Variants in TAF1 observed in about 807,000 individuals in gnomAD.
The protein encoded by TAF1 is transcription initiation factor TFIID subunit 1.
TAF1 carries 2 observed loss-of-function variants against 138.5 expected under a neutral mutation model. The ratio of observed to expected loss-of-function variants is 0.01; its 90% CI spans 0.01 to 0.05. The LOEUF (loss-of-function observed/expected upper bound fraction) is 0.05, where lower values mean the gene tolerates loss of function less well. TAF1 is among the 10% of genes least tolerant of loss of function. The pLI is 1.00. For missense variants in TAF1, 709 were observed against 1,478.0 expected (o/e 0.48, Z 8.53); for synonymous variants, 437 against 503.2 (o/e 0.87, Z 1.76).
chrX:71,524,881 C>T (rs1395559682), intron 13 of TAF1, among the ~76,000 whole-genome samples: 2 of 100,407 alleles, frequency 2.0e-5, no homozygotes, highest in Admixed American at 1.1e-4. Context: ...GCAGAGTTTG[C>T]AGTGAGCTGA....
Position 71,504,741 on chromosome X carries a change from C to CAAAAAAAAA in TAF1, c.1367-23777_1367-23769dup, listed in dbSNP as rs41370846. The stretch of plus-strand genomic sequence containing the variant: ...TGGGTGACAGAATGAGACCCTGTCT[C>CAAAAAAAAA]AAAAAAAAAAAAAAAAAAAAAAAAA... On this transcript the variant is annotated intron_variant and NMD_transcript_variant, in intron 13 of 14. Transcript: ENST00000373775. 1.6e-3 allele frequency among the ~76,000 whole-genome samples: 9 copies of CAAAAAAAAA among 5,704 alleles called. 1 individual carries two copies. The highest frequency in any genetic ancestry group is 3.7e-3 in the African/African-American group (7 of 1,881). 5.0% of individuals were successfully genotyped at this position (5,704 alleles called of 115,157 possible). A position where few individuals can be genotyped will look rare whatever the true frequency, so the allele number is the denominator to read the frequency against.
intron 28 of TAF1, among the ~76,000 whole-genome samples, chrX:71,417,679 A>G (rs2036094774): frequency 9.0e-6 from 1 of 111,485 alleles, no homozygotes; most frequent in Admixed American, 9.6e-5. Context: ...AAGCAGATAC[A>G]GTTGTTGTAA....
At chrX:71,515,391 T>A (rs889505942) in intron 13 of TAF1, among the ~76,000 whole-genome samples, 1 of 111,700 alleles carries the variant, frequency 9.0e-6, no homozygotes, top group African/African-American at 3.3e-5. Flanking sequence ...ATCACTAATA[T>A]CTCTGCTATG....
intron 36 of TAF1, among the ~76,000 whole-genome samples, chrX:71,460,312 G>C (rs1196532310): frequency 1.8e-5 from 2 of 112,476 alleles, no homozygotes; most frequent in Non-Finnish European, 1.9e-5. Context: ...GGAAAATTAA[G>C]AAAAATCCTG....
intron 16 of TAF1, 82 bp downstream of exon 16, chrX:71,388,460 A>G (rs1182288322): frequency 2.7e-6 from 3 of 1,122,463 alleles, no homozygotes; most frequent in Non-Finnish European, 3.6e-6. Flanking sequence ...ATAAGCATAT[A>G]GTTAATAAAA....
intron 13 of TAF1, among the ~76,000 whole-genome samples, chrX:71,523,703 G>A (rs762116371): frequency 1.3e-4 from 14 of 111,632 alleles, no homozygotes; most frequent in Admixed American, 3.8e-4. Flanking sequence ...TAAACACATA[G>A]TATCATAAGG....
At chrX:71,380,468 A>G (rs1303117606) in intron 8 of TAF1, among the ~76,000 whole-genome samples, 2 of 110,745 alleles carry the variant, frequency 1.8e-5, no homozygotes, top group African/African-American at 3.3e-5. Flanking sequence ...GAGTCTTGCT[A>G]TTGTTGGTCA....
At chrX:71,394,405 C>T (rs1288984554) in intron 22 of TAF1, among the ~76,000 whole-genome samples, 160 bp downstream of exon 22, 1 of 112,572 alleles carries the variant, frequency 8.9e-6, no homozygotes, top group African/African-American at 3.2e-5. Context: ...ACAAACTGGA[C>T]TCTAGGATTG....
At chrX:71,420,750 C>G (rs1477499175) in intron 28 of TAF1, among the ~76,000 whole-genome samples, 1 of 112,995 alleles carries the variant, frequency 8.8e-6, no homozygotes, top group Non-Finnish European at 1.9e-5. Context: ...CTGGAGCTCC[C>G]GTGGGGGTGG....
intron 8 of TAF1, among the ~76,000 whole-genome samples, chrX:71,380,021 A>G (rs1217966996): frequency 9.1e-6 from 1 of 109,765 alleles, no homozygotes; most frequent in Non-Finnish European, 1.9e-5. Flanking sequence ...TTTTTTTTTA[A>G]GGTATGCCAT....
rs1313886689 is a variant in TAF1 at position 71,525,261 on chromosome X, G to A, written c.1367-3281G>A. 3.6e-5 allele frequency among the ~76,000 whole-genome samples: 4 copies of A among 110,825 alleles called. No homozygotes were observed. In the East Asian group the frequency reaches 1.1e-3, roughly 32 times the overall value. ...TTCACCATGTTGGCCAGGCTGATCTGGAAACCCTGACCTCAGGTGACCCGC... is the reference window on the plus strand; with the variant it reads ...TTCACCATGTTGGCCAGGCTGATCTAGAAACCCTGACCTCAGGTGACCCGC... On this transcript the variant is annotated intron_variant and NMD_transcript_variant, in intron 13 of 14. Transcript: ENST00000373775.
intron 13 of TAF1, chrX:71,528,094 C>A: frequency 1.0e-5 from 2 of 196,782 alleles, no homozygotes. Context: ...CTCATAAAAG[C>A]AAAACCTACC....
intron 25 of TAF1, among the ~76,000 whole-genome samples, chrX:71,404,987 C>T (rs778802473): frequency 8.9e-5 from 8 of 89,943 alleles, no homozygotes; most frequent in South Asian, 5.7e-4. Context: ...GACAGAGTCT[C>T]GCTCTGTCAC....
intron 13 of TAF1, among the ~76,000 whole-genome samples, chrX:71,494,661 G>C (rs1201715397): frequency 8.9e-6 from 1 of 111,753 alleles, no homozygotes; most frequent in African/African-American, 3.3e-5. Context: ...ATAGTATTGT[G>C]TCCAGAGTTG....
At chrX:71,513,560 A>G (rs2039770000) in intron 13 of TAF1, among the ~76,000 whole-genome samples, 1 of 110,745 alleles carries the variant, frequency 9.0e-6, no homozygotes, top group African/African-American at 3.3e-5. Context: ...CTGGTGACAG[A>G]GTAGTTCAGA....
At position 71,383,823 on chromosome X, in the gene TAF1, C is replaced by T. The variant is rs28382164; in HGVS notation, c.1948-139C>T. 5,101 of 715,191 alleles carry T rather than the reference C, an allele frequency of 7.1e-3. 26 individuals carry two copies. The highest frequency in any genetic ancestry group is 0.037 in the African/African-American group (1,703 of 45,735). The allele number at this position is 715,191 out of a possible 1,213,427, so 58.9% of individuals were successfully genotyped here. A position where few individuals can be genotyped will look rare whatever the true frequency, so the allele number is the denominator to read the frequency against. The stretch of plus-strand genomic sequence containing the variant: ...CGACTGTACTATTCTTTGAACTTTA[C>T]AGTATGTTTGAAAATTTTGATTATG... On this transcript the variant is annotated intron_variant, in intron 12 of 37. Coordinates refer to ENST00000423759, the MANE Select transcript of TAF1 (RefSeq NM_004606.5).
chrX:71,470,760 G>A (rs1373007076), downstream of TAF1, among the ~76,000 whole-genome samples: 7 of 108,345 alleles, frequency 6.5e-5, no homozygotes, highest in Admixed American at 9.8e-5. Flanking sequence ...GGGAGGCTGA[G>A]GTGAGAGGAT....
intron 32 of TAF1, among the ~76,000 whole-genome samples, chrX:71,448,320 C>G (rs756959361): frequency 8.9e-6 from 1 of 112,038 alleles, no homozygotes; most frequent in South Asian, 3.7e-4. Flanking sequence ...TATAGCTGAT[C>G]ATCCTACTTT....
At chrX:71,507,978 G>A in intron 13 of TAF1, among the ~76,000 whole-genome samples, 1 of 107,668 alleles carries the variant, frequency 9.3e-6, no homozygotes. Context: ...GACAGAGTGA[G>A]ACTGTGTCTC....
Sources: gnomAD v4.1 joint callset for allele counts (sites outside exome capture counted in the v4.1 genomes callset) on GRCh38, gnomAD v4.1.1 for gene constraint, MANE v1.5 for transcripts, NCBI Gene and HGNC (gene_info 2026-07-23, HGNC 2026-07-21) for gene names.